The following STX18 variants were observed in gnomAD, a reference collection of about 807,000 sequenced individuals.
STX18 encodes syntaxin 18, also known as syntaxin-18.
A neutral mutation model predicts 50.1 loss-of-function variants in STX18; 40 were observed. That is an observed-to-expected ratio of 0.80 (90% CI 0.62 to 1.04). The LOEUF (loss-of-function observed/expected upper bound fraction) is 1.04. STX18 is among the 50% of genes least tolerant of loss of function. The pLI is 0.00. For synonymous variants in STX18, 158 were observed against 151.8 expected (o/e 1.04, Z -0.30); for missense variants, 410 against 415.8 (o/e 0.99, Z 0.12).
intron 1 of STX18, among the ~76,000 whole-genome samples, chr4:4,538,016 T>C (rs765266173): frequency 2.0e-5 from 3 of 152,068 alleles, no homozygotes; most frequent in Non-Finnish European, 4.4e-5. Context: ...TGACCTCAAC[T>C]GCTACGACTT....
At chr4:4,479,489 A>G (rs1034580644) in intron 1 of STX18, among the ~76,000 whole-genome samples, 2 of 152,174 alleles carry the variant, frequency 1.3e-5, no homozygotes, top group Admixed American at 6.5e-5. Flanking sequence ...GTCTATAGCT[A>G]TGGGCCAGCA....
At chr4:4,534,135 T>C (rs1049254329) in intron 1 of STX18, among the ~76,000 whole-genome samples, 1 of 152,198 alleles carries the variant, frequency 6.6e-6, no homozygotes, top group African/African-American at 2.4e-5. Flanking sequence ...GTATCTATTT[T>C]GTACTCAACT....
chr4:4,450,208 A>AAGTAATT (rs1726672486), intron 5 of STX18, among the ~76,000 whole-genome samples: 1 of 152,178 alleles, frequency 6.6e-6, no homozygotes, highest in East Asian at 1.9e-4. Context: ...TTCTGTATTG[A>AAGTAATT]TCTTTGGAAA....
At position 4,471,633 on chromosome 4, in the gene STX18, A is replaced by G. The variant is rs1446516849; in HGVS notation, c.236+6T>C. 6.5e-7 allele frequency: 1 copy of G among 1,549,086 alleles called. No individual in the cohort carries two copies. On this transcript the variant is annotated splice_donor_region_variant and intron_variant, in intron 2 of 10. Coordinates refer to ENST00000306200, the MANE Select transcript of STX18 (RefSeq NM_016930.4). ...CCAAAGTCCTGGTAAAAAAATATGT[A>G]CTTACCTATAAGCATTAATATAATC...
intron 1 of STX18, among the ~76,000 whole-genome samples, chr4:4,510,960 A>G (rs926950578): frequency 3.4e-5 from 5 of 147,566 alleles, no homozygotes; most frequent in Non-Finnish European, 7.6e-5. Context: ...CAAGGAGAAC[A>G]CATGGACACA....
At chr4:4,512,134 T>C (rs1037131272) in intron 1 of STX18, among the ~76,000 whole-genome samples, 1 of 152,076 alleles carries the variant, frequency 6.6e-6, no homozygotes, top group African/African-American at 2.4e-5. Context: ...ACGGCAAGGA[T>C]ACAGCTAGCC....
intron 1 of STX18, among the ~76,000 whole-genome samples, chr4:4,538,021 C>T (rs1036407522): frequency 4.6e-5 from 7 of 151,560 alleles, no homozygotes; most frequent in Admixed American, 1.3e-4. Context: ...TCAACTGCTA[C>T]GACTTTGGGC....
chr4:4,505,377 T>C lies in STX18; in HGVS notation c.169-33671A>G, dbSNP rs1729651483. Among the ~76,000 whole-genome samples the C allele has an allele frequency of 3.9e-5, 6 of 152,222 alleles. No individual in the cohort carries two copies. In the South Asian group the frequency reaches 1.2e-3, roughly 31 times the overall value. ...TGGCAACACAGTACACTGCAAAGTA[T>C]GGGTTGTTTACCCTCATAATTGCAT... On this transcript the variant is annotated intron_variant, in intron 1 of 10. Coordinates refer to ENST00000306200, the MANE Select transcript of STX18 (RefSeq NM_016930.4).
intron 5 of STX18, among the ~76,000 whole-genome samples, chr4:4,445,802 C>CATAA (rs1726368531): frequency 6.6e-6 from 1 of 152,164 alleles, no homozygotes; most frequent in Non-Finnish European, 1.5e-5. Flanking sequence ...AACATTCTAG[C>CATAA]AGATTTTCTG....
chr4:4,466,338 A>T (rs1335813788), intron 2 of STX18, among the ~76,000 whole-genome samples: 2 of 152,204 alleles, frequency 1.3e-5, no homozygotes, highest in Non-Finnish European at 2.9e-5. Flanking sequence ...TTAATTCTGA[A>T]TGCAGCTGTA....
intron 1 of STX18, among the ~76,000 whole-genome samples, chr4:4,481,951 G>A (rs751448910): frequency 6.6e-6 from 1 of 152,130 alleles, no homozygotes; most frequent in Non-Finnish European, 1.5e-5. Context: ...AGCAACTCCT[G>A]TCACTTTCCC....
Position 4,420,755 on chromosome 4 carries a change from G to A in STX18, c.912+109C>T, listed in dbSNP as rs1724903541. ...CACACAATTTTGTGATCAGCCCCGT[G>A]AGCTCTGCCCAGCAAGGCTCCTGGG... On this transcript the variant is annotated intron_variant, in intron 10 of 10. Transcript: ENST00000306200. This position sits in a 1 kb window ranked among gnomAD's most constrained non-coding sequence, Gnocchi z 4.3. The A allele has an allele frequency of 2.0e-6, 2 of 997,320 alleles. No homozygotes were observed. The highest frequency in any genetic ancestry group is 1.8e-5 in the Admixed American group (1 of 54,318). 61.8% of individuals were successfully genotyped at this position (997,320 alleles called of 1,614,324 possible). A position where few individuals can be genotyped will look rare whatever the true frequency, so the allele number is the denominator to read the frequency against.
chr4:4,528,980 G>C (rs780791285), intron 1 of STX18, among the ~76,000 whole-genome samples: 7 of 152,058 alleles, frequency 4.6e-5, no homozygotes, highest in Non-Finnish European at 1.0e-4. Context: ...CCATAAATTG[G>C]GTCTCCTTCC....
chr4:4,435,751 G>C (rs1725742533), intron 6 of STX18, among the ~76,000 whole-genome samples: 1 of 152,178 alleles, frequency 6.6e-6, no homozygotes, highest in African/African-American at 2.4e-5. Flanking sequence ...TGCTGAAAGG[G>C]AGCGTAGGAA....
intron 1 of STX18, among the ~76,000 whole-genome samples, chr4:4,476,845 G>A (rs190393331): frequency 2.6e-5 from 4 of 152,082 alleles, no homozygotes; most frequent in Admixed American, 2.0e-4. Flanking sequence ...TTATATGGGG[G>A]GTTCCTTGTG....
At chr4:4,436,724 G>GC (rs1725796772) in intron 6 of STX18, among the ~76,000 whole-genome samples, 1 of 152,120 alleles carries the variant, frequency 6.6e-6, no homozygotes, top group South Asian at 2.1e-4. Flanking sequence ...TGCCACAGAG[G>GC]CAAGTCCAGA....
intron 2 of STX18, among the ~76,000 whole-genome samples, chr4:4,462,466 C>G (rs1727430086): frequency 6.6e-6 from 1 of 152,290 alleles, no homozygotes; most frequent in Non-Finnish European, 1.5e-5. Flanking sequence ...ACCCCAAAGC[C>G]CATGCTCTTT....
chr4:4,427,219 C>T (rs1725294152), intron 7 of STX18, among the ~76,000 whole-genome samples: 1 of 152,196 alleles, frequency 6.6e-6, no homozygotes, highest in Admixed American at 6.5e-5. Context: ...ACTCCAGACC[C>T]ACCGGGCCAG....
intron 2 of STX18, among the ~76,000 whole-genome samples, chr4:4,467,381 C>T (rs1338101945): frequency 6.6e-6 from 1 of 152,148 alleles, no homozygotes; most frequent in African/African-American, 2.4e-5. Flanking sequence ...AGGTTAAAGG[C>T]AAGATGGAGT....
Sources: gnomAD v4.1 joint callset for allele counts (sites outside exome capture counted in the v4.1 genomes callset) on GRCh38, gnomAD v4.1.1 for gene constraint, Gnocchi (gnomAD v3.1) non-coding constraint, MANE v1.5 for transcripts, NCBI Gene and HGNC (gene_info 2026-07-23, HGNC 2026-07-21) for gene names.